The following VCAN variants were observed in gnomAD, a reference collection of about 807,000 sequenced individuals.
The protein encoded by VCAN is versican core protein.
In VCAN, 44 loss-of-function variants were observed where a neutral mutation model predicts 245.5. That is an observed-to-expected ratio of 0.18 (90% CI 0.14 to 0.23). VCAN has a LOEUF of 0.23. Among genes scored for constraint, VCAN ranks in the 10% least tolerant of loss-of-function variants. The probability of loss-of-function intolerance (pLI) is 1.00; values close to 1 mark genes in which losing one functional copy is unlikely to be tolerated. For synonymous variants in VCAN, 1,413 were observed against 1,437.0 expected (o/e 0.98, Z 0.38); for missense variants, 3,793 against 4,057.9 (o/e 0.93, Z 1.77).
At chr5:83,534,540 T>C (rs1489853479) in intron 7 of VCAN, among the ~76,000 whole-genome samples, 1 of 152,090 alleles carries the variant, frequency 6.6e-6, no homozygotes, top group Non-Finnish European at 1.5e-5. Context: ...TTAGTGTACC[T>C]TTGTCTAATA....
chr5:83,535,017 T>C (rs999228702), intron 7 of VCAN, among the ~76,000 whole-genome samples: 1 of 152,056 alleles, frequency 6.6e-6, no homozygotes, highest in African/African-American at 2.4e-5. Flanking sequence ...AAACCTAGTC[T>C]TTTTAGTTAC....
intron 5 of VCAN, among the ~76,000 whole-genome samples, chr5:83,499,064 C>T (rs529622032): frequency 6.6e-6 from 1 of 152,132 alleles, no homozygotes; most frequent in East Asian, 1.9e-4. Flanking sequence ...CTGCTCTGTT[C>T]CTCTCAGGGA....
At chr5:83,547,427 G>A (rs1373673286) in intron 9 of VCAN, among the ~76,000 whole-genome samples, 2 of 152,142 alleles carry the variant, frequency 1.3e-5, no homozygotes, top group East Asian at 3.8e-4. Flanking sequence ...CTGGGCAATT[G>A]GGATCCATGG....
chr5:83,481,716 T>TA (rs1435894362), intron 1 of VCAN, among the ~76,000 whole-genome samples: 4 of 152,132 alleles, frequency 2.6e-5, no homozygotes, highest in African/African-American at 7.2e-5. Context: ...TGTATTAGCT[T>TA]AAAAAATGCT....
intron 12 of VCAN, among the ~76,000 whole-genome samples, chr5:83,559,748 T>C (rs1434913553): frequency 6.6e-6 from 1 of 152,128 alleles, no homozygotes; most frequent in Non-Finnish European, 1.5e-5. Flanking sequence ...GAATTAACTT[T>C]CGTCTCTGTT....
chr5:83,538,142 G>A lies in VCAN; in HGVS notation c.5139G>A (p.Glu1713=). The A allele has an allele frequency of 1.2e-6, 2 of 1,613,990 alleles. No individual in the cohort carries two copies. Among genetic ancestry groups the A allele is most frequent in the Non-Finnish European group, 1.7e-6 (2 of 1,179,962 alleles). ...TKFVSETDTS[E]WISSTTVEEK... is the part of the protein sequence containing the mutation. ...TTGTAAGTGAAACAGACACTTCTGA[G>A]TGGATTTCCAGTACCACTGTTGAGG... Residue 1713 remains glutamate, a synonymous_variant, in exon 8 of 15, where the codon GAG becomes GAA. Transcript: ENST00000265077.
chr5:83,499,788 T>G (rs951971951), intron 5 of VCAN, among the ~76,000 whole-genome samples: 14 of 152,228 alleles, frequency 9.2e-5, no homozygotes, highest in Non-Finnish European at 1.8e-4. Flanking sequence ...TTACTGTTTC[T>G]TGGTGTCAGA....
rs768877661 is a variant in VCAN, at chr5:83,511,570, AT to A, written c.749-518del. Among the ~76,000 whole-genome samples, 833 of 141,696 alleles carry A rather than the reference AT, an allele frequency of 5.9e-3. 4 individuals are homozygous for A. The highest frequency in any genetic ancestry group is 0.014 in the African/African-American group (530 of 38,510). The allele number at this position is 141,696 out of a possible 152,430, so 93.0% of individuals were successfully genotyped here. The stretch of plus-strand genomic sequence containing the variant: ...TCTTCACATTTCTGGAGGTTTTCTT[AT>A]TTTTTTTTTTTTTTATTTAATGGCG... On this transcript the variant is annotated intron_variant, in intron 5 of 14. Coordinates refer to ENST00000265077, the MANE Select transcript of VCAN (RefSeq NM_004385.5).
intron 6 of VCAN, among the ~76,000 whole-genome samples, chr5:83,517,638 A>G (rs2112402373): frequency 1.3e-5 from 2 of 152,320 alleles, no homozygotes; most frequent in Non-Finnish European, 2.9e-5. Flanking sequence ...GTTCATGTCA[A>G]TCAAAATAGA....
In VCAN at chr5:83,521,835, G is replaced by A; in HGVS notation, c.3529G>A (p.Asp1177Asn). 1.2e-6 allele frequency: 2 copies of A among 1,614,128 alleles called. No homozygotes were observed. The highest frequency in any genetic ancestry group is 8.5e-7 in the Non-Finnish European group (1 of 1,180,032). Residue 1177 changes from aspartate to asparagine, a missense_variant, in exon 7 of 15, where the codon GAT becomes AAT. Transcript: ENST00000265077. ...CACTACTGAGAAAACATCCCTAGAG[G>A]ATATTGATTTAGGCTCAGGATTATT... ...ETTTEKTSLE[D>N]IDLGSGLFEK...
intron 5 of VCAN, among the ~76,000 whole-genome samples, chr5:83,497,280 T>C (rs1317229837): frequency 6.6e-6 from 1 of 152,206 alleles, no homozygotes; most frequent in Non-Finnish European, 1.5e-5. Context: ...ACCTGTTTTT[T>C]TCTCCTTTCT....
At position 83,540,656 on chromosome 5, in the gene VCAN, C is replaced by A. The variant is rs778420853; in HGVS notation, c.7653C>A (p.Asp2551Glu). The A allele has an allele frequency of 6.2e-7, 1 of 1,613,820 alleles. No individual in the cohort carries two copies. Residue 2551 changes from aspartate (D) to glutamate (E), a missense_variant, in exon 8 of 15, where the codon GAC becomes GAA. Physicochemically the swap from Asp to Glu is conservative, Grantham distance 45. Transcript: ENST00000265077. ...TTATCATAGACCTGGACAAAGAGGA[C>A]AAGGATTTAATATTGACAATTACAG... Reference protein sequence around the residue: ...ENIIIDLDKEDKDLILTITES... With the variant: ...ENIIIDLDKEEKDLILTITES...
rs1027786260 is a variant in VCAN at position 83,570,261 on chromosome 5, A to T, written c.9736-2155A>T. On this transcript the variant is annotated intron_variant, in intron 12 of 14. Coordinates refer to ENST00000265077, the MANE Select transcript of VCAN (RefSeq NM_004385.5). ...CCCCCGAGAAATAAAACCACCCTTCATGCTGTATTTTGACAAAAAAACAAC... is the reference window on the plus strand; with the variant it reads ...CCCCCGAGAAATAAAACCACCCTTCTTGCTGTATTTTGACAAAAAAACAAC... Among the ~76,000 whole-genome samples, 3 of 151,824 alleles carry T rather than the reference A, an allele frequency of 2.0e-5. No homozygotes were observed. The East Asian group carries it at 5.8e-4, about 29-fold the overall frequency.
At chr5:83,545,502 C>A in intron 8 of VCAN, 35 bp from the exon 9 acceptor site, 1 of 1,564,788 alleles carries the variant, frequency 6.4e-7, no homozygotes, top group Non-Finnish European at 8.8e-7. Flanking sequence ...TAGAGACGAG[C>A]CTAACTGCTT....
rs1004476640 is a variant in VCAN at position 83,519,283 on chromosome 5, A to G, written c.1043-66A>G. The G allele has an allele frequency of 1.9e-6, 3 of 1,563,040 alleles. No individual in the cohort carries two copies. The African/African-American group carries it at 4.1e-5, about 21-fold the overall frequency. On this transcript the variant is annotated intron_variant, in intron 6 of 14. Transcript: ENST00000265077. ...TACAAAATACTCAGGAGCACTTAAC[A>G]AACACTGGGCATACAAGTTTTTATT...
chr5:83,513,667 A>G (rs1479856386), intron 6 of VCAN, among the ~76,000 whole-genome samples: 1 of 152,238 alleles, frequency 6.6e-6, no homozygotes, highest in Non-Finnish European at 1.5e-5. Flanking sequence ...CTGAAACAAC[A>G]GAATTCTTCC....
At chr5:83,563,389 A>G (rs1747947177) in intron 12 of VCAN, among the ~76,000 whole-genome samples, 2 of 152,158 alleles carry the variant, frequency 1.3e-5, no homozygotes, top group African/African-American at 4.8e-5. Context: ...ACAAATGCCT[A>G]TTGTGTACAC....
intron 7 of VCAN, chr5:83,531,230 G>A (rs891483418): frequency 6.6e-6 from 1 of 152,164 alleles, no homozygotes; most frequent in African/African-American, 2.4e-5. Flanking sequence ...TTGATATACG[G>A]TGTCACTGTG....
chr5:83,561,326 T>C (rs1192117589), intron 12 of VCAN, among the ~76,000 whole-genome samples: 3 of 152,130 alleles, frequency 2.0e-5, no homozygotes, highest in Non-Finnish European at 2.9e-5. Flanking sequence ...TCTTATTTTC[T>C]AGCTCTAACC....
Sources: gnomAD v4.1 joint callset for allele counts (sites outside exome capture counted in the v4.1 genomes callset) on GRCh38, gnomAD v4.1.1 for gene constraint, MANE v1.5 for transcripts, NCBI Gene and HGNC (gene_info 2026-07-23, HGNC 2026-07-21) for gene names.